PYGO1: variants seen among roughly 807,000 people sequenced by gnomAD.
The protein encoded by PYGO1 is pygopus family PHD finger 1.
In PYGO1, 6 loss-of-function variants were observed where a neutral mutation model predicts 29.5. The ratio of observed to expected loss-of-function variants is 0.20; its 90% CI spans 0.11 to 0.40. PYGO1 has a LOEUF of 0.40. PYGO1 is among the 10% of genes least tolerant of loss of function. PYGO1 has a pLI of 1.00. For synonymous variants in PYGO1, 186 were observed against 180.5 expected, an observed-to-expected ratio of 1.03 and a Z score of -0.24; for missense variants, 515 against 514.9, an observed-to-expected ratio of 1.00 and a Z score of 0.00.
intron 1 of PYGO1, among the ~76,000 whole-genome samples, chr15:55,572,464 G>A (rs2058984042): frequency 6.6e-6 from 1 of 152,156 alleles, no homozygotes; most frequent in Non-Finnish European, 1.5e-5. Context: ...GAAGAAAAGA[G>A]AGGAAAAAAC....
chr15:55,546,957 T>G lies in PYGO1; in HGVS notation c.326A>C (p.His109Pro). 6.2e-7 allele frequency: 1 copy of G among 1,614,028 alleles called. No homozygotes were observed. The highest frequency in any genetic ancestry group is 1.1e-5 in the South Asian group (1 of 91,076). The change falls in exon 3 of 3, where the codon CAC becomes CCC. Residue 109 changes from histidine to proline, a missense_variant. His to Pro is a moderately conservative substitution (Grantham distance 77). Transcript: ENST00000563719. ...GGYSTFRMPP[H>P]VPPRMSSPYC... ...TGGGGAAGACATTCTTGGGGGAACG[T>G]GAGGTGGCATTCTGAATGTACTATA... is the stretch of plus-strand genomic sequence containing the variant.
chr15:55,559,162 C>T (rs907079210), intron 1 of PYGO1, among the ~76,000 whole-genome samples: 17 of 151,886 alleles, frequency 1.1e-4, no homozygotes, highest in East Asian at 5.8e-4. Context: ...CATCGAAACG[C>T]GGGTGAAGGA....
chr15:55,541,752 T>A lies in PYGO1; in HGVS notation c.*4271A>T, dbSNP rs2058828749. The stretch of plus-strand genomic sequence containing the variant: ...TTATACATTTCACCAGAGTTTAGCA[T>A]GGTAAGGGGGCAAATGCAAAGAAAC... On this transcript the variant is annotated 3_prime_UTR_variant, in exon 3 of 3. Transcript: ENST00000563719. The A allele has an allele frequency of 6.6e-6, 1 of 152,238 alleles. No individual in the cohort carries two copies. The highest frequency in any genetic ancestry group is 2.4e-5 in the African/African-American group (1 of 41,442). 9.4% of individuals were successfully genotyped at this position (152,238 alleles called of 1,614,324 possible).
At position 55,541,931 on chromosome 15, in the gene PYGO1, G is replaced by T. The variant is rs1343494209; in HGVS notation, c.*4092C>A. The stretch of plus-strand genomic sequence containing the variant: ...GATTATGGTCTAAATGAGCCTTTAG[G>T]AGCTTCCCTATTGTGTAGAGTTCCA... On this transcript the variant is annotated 3_prime_UTR_variant, in exon 3 of 3. Transcript: ENST00000563719. 1.3e-5 allele frequency: 2 copies of T among 152,056 alleles called. No homozygotes were observed. The highest frequency in any genetic ancestry group is 2.9e-5 in the Non-Finnish European group (2 of 68,012). The allele number at this position is 152,056 out of a possible 1,614,324, so 9.4% of individuals were successfully genotyped here. A position where few individuals can be genotyped will look rare whatever the true frequency, so the allele number is the denominator to read the frequency against.
In PYGO1 at chr15:55,587,539, C is replaced by T. The variant is rs140263995; in HGVS notation, c.49+296G>A. Among the ~76,000 whole-genome samples the T allele has an allele frequency of 5.7e-3, 871 of 151,894 alleles. 9 individuals carry two copies. Among genetic ancestry groups the T allele is most frequent in the African/African-American group, 0.02 (826 of 41,382 alleles). ...TTCACCCTTTGAGGTGCCTATTGTG[C>T]TGTCTTGAGAACGAGGAGAGGTGGG... On this transcript the variant is annotated intron_variant, in intron 1 of 2. Transcript: ENST00000563719.
In PYGO1 at chr15:55,588,242, G is replaced by A. The variant is rs2059058811; in HGVS notation, c.-359C>T. Among the ~76,000 whole-genome samples, 1 of 149,242 alleles carries A rather than the reference G, an allele frequency of 6.7e-6. No individual in the cohort carries two copies. Among genetic ancestry groups the A allele is most frequent in the African/African-American group, 2.4e-5 (1 of 41,146 alleles). On this transcript the variant is annotated 5_prime_UTR_variant, in exon 1 of 3. Coordinates refer to ENST00000563719, the MANE Select transcript of PYGO1 (RefSeq NM_001367806.1). ...CTTCTTCGCCGCCGCCTCAGGAGCC[G>A]CTGACAGGGGAAGCAGGAGGCTCGC...
intron 1 of PYGO1, among the ~76,000 whole-genome samples, chr15:55,577,582 AACT>A (rs1215682804): frequency 5.4e-3 from 5 of 920 alleles, no homozygotes; most frequent in Middle Eastern, 0.5. Context: ...TGAAATCTAA[AACT>A]AGGTTTTTGT....
In PYGO1 at chr15:55,563,292, T is replaced by C. The variant is rs180716860; in HGVS notation, c.50-14297A>G. 6.3e-3 allele frequency among the ~76,000 whole-genome samples: 953 copies of C among 150,486 alleles called. 7 individuals carry two copies. The highest frequency in any genetic ancestry group is 7.5e-3 in the Non-Finnish European group (509 of 67,468). On this transcript the variant is annotated intron_variant, in intron 1 of 2. Transcript: ENST00000563719. Reference sequence around the variant, plus strand: ...AAAAACGGCCAAAGGTTTGTCTTTTTCCCCCCTCCAAATGTATCTTTTATT... The same window carrying C: ...AAAAACGGCCAAAGGTTTGTCTTTTCCCCCCCTCCAAATGTATCTTTTATT...
intron 1 of PYGO1, among the ~76,000 whole-genome samples, chr15:55,557,233 G>C (rs2058910201): frequency 6.6e-6 from 1 of 151,808 alleles, no homozygotes; most frequent in South Asian, 2.1e-4. Context: ...AAATAAACTA[G>C]AAAATCTAGA....
chr15:55,548,413 C>CA (rs112750304), intron 2 of PYGO1, among the ~76,000 whole-genome samples: 8,518 of 147,738 alleles, frequency 0.058, 281 homozygotes, highest in Non-Finnish European at 0.068. Context: ...CAGACTTAAA[C>CA]AAAAAAAAAT....
In PYGO1 at chr15:55,539,163, T is replaced by C. The variant is rs2058818876; in HGVS notation, c.*6860A>G. On this transcript the variant is annotated 3_prime_UTR_variant, in exon 3 of 3. Transcript: ENST00000563719. Reference sequence around the variant, plus strand: ...TAGAATAAAAAAACTAAAATGTAGATGACAAATTAAACTCTTCCAATTTTA... The same window carrying C: ...TAGAATAAAAAAACTAAAATGTAGACGACAAATTAAACTCTTCCAATTTTA... 6.6e-6 allele frequency: 1 copy of C among 152,190 alleles called. No homozygotes were observed. The highest frequency in any genetic ancestry group is 1.5e-5 in the Non-Finnish European group (1 of 68,004). 9.4% of individuals were successfully genotyped at this position (152,190 alleles called of 1,614,324 possible). A position where few individuals can be genotyped will look rare whatever the true frequency, so the allele number is the denominator to read the frequency against.
In PYGO1 at chr15:55,587,968, G is replaced by C. The variant is rs1186024588; in HGVS notation, c.-85C>G. ...CGGCGGCGGCTCCTCCTCCTCGCGG[G>C]GCCGCTGCGGCTGCGAGGCAAGCCT... On this transcript the variant is annotated 5_prime_UTR_variant, in exon 1 of 3. Transcript: ENST00000563719. 1.6e-5 allele frequency: 23 copies of C among 1,427,196 alleles called. No individual in the cohort carries two copies. In the East Asian group the frequency reaches 5.2e-4, roughly 32 times the overall value. 88.4% of individuals were successfully genotyped at this position (1,427,196 alleles called of 1,614,324 possible).
At chr15:55,585,706 G>C (rs577561305) in intron 1 of PYGO1, among the ~76,000 whole-genome samples, 2 of 152,096 alleles carry the variant, frequency 1.3e-5, no homozygotes, top group Admixed American at 6.6e-5. Flanking sequence ...CTGTGTTCTT[G>C]ACCCACAATA....
chr15:55,556,924 C>T (rs1359232598), intron 1 of PYGO1, among the ~76,000 whole-genome samples: 2 of 151,738 alleles, frequency 1.3e-5, no homozygotes, highest in Non-Finnish European at 2.9e-5. Flanking sequence ...TAGGCACATA[C>T]ATCCTCCCAA....
In PYGO1 at chr15:55,584,930, T is replaced by C. The variant is rs190498702; in HGVS notation, c.49+2905A>G. Among the ~76,000 whole-genome samples the C allele has an allele frequency of 3.0e-3, 463 of 152,330 alleles. 3 individuals are homozygous for C. The highest frequency in any genetic ancestry group is 5.4e-3 in the Non-Finnish European group (370 of 68,032). On this transcript the variant is annotated intron_variant, in intron 1 of 2. Transcript: ENST00000563719. ...ATTAGTGGCATTTCTCAAACTTCAG[T>C]ATGCATAAGGAGCACCTGGGGATCT...
Position 55,547,851 on chromosome 15 carries a change from G to A in PYGO1, c.136-704C>T, listed in dbSNP as rs551992699. The stretch of plus-strand genomic sequence containing the variant: ...ACAACCACAAGTTATAACAAAAAAA[G>A]GCCTCCATCATGATTGCTTCGTGAT... On this transcript the variant is annotated intron_variant, in intron 2 of 2. Transcript: ENST00000563719. Among the ~76,000 whole-genome samples, 8 of 152,216 alleles carry A rather than the reference G, an allele frequency of 5.3e-5. No individual in the cohort carries two copies. The South Asian group carries it at 1.7e-3, about 32-fold the overall frequency.
At chr15:55,555,289 G>A (rs776685907) in intron 1 of PYGO1, among the ~76,000 whole-genome samples, 2 of 151,836 alleles carry the variant, frequency 1.3e-5, no homozygotes, top group South Asian at 2.1e-4. Flanking sequence ...GAATAAGATC[G>A]TTTTCAGATA....
intron 1 of PYGO1, among the ~76,000 whole-genome samples, chr15:55,585,108 G>A (rs62021879): frequency 0.059 from 9,014 of 152,194 alleles, 323 homozygotes; most frequent in South Asian, 0.091. Flanking sequence ...TCATGTTTTA[G>A]TTTTGCCATA....
chr15:55,541,617 T>A lies in PYGO1; in HGVS notation c.*4406A>T, dbSNP rs536215015. The A allele has an allele frequency of 1.3e-5, 2 of 152,336 alleles. No individual in the cohort carries two copies. Among genetic ancestry groups the A allele is most frequent in the Non-Finnish European group, 2.9e-5 (2 of 68,016 alleles). The allele number at this position is 152,336 out of a possible 1,614,324, so 9.4% of individuals were successfully genotyped here. ...ACCTTAGTAGAAAATGCTTTTCTCTTAAAGTCTAGCCAACTACTACTGCCA... is the reference window on the plus strand; with the variant it reads ...ACCTTAGTAGAAAATGCTTTTCTCTAAAAGTCTAGCCAACTACTACTGCCA... On this transcript the variant is annotated 3_prime_UTR_variant, in exon 3 of 3. Coordinates refer to ENST00000563719, the MANE Select transcript of PYGO1 (RefSeq NM_001367806.1).
Sources: gnomAD v4.1 joint callset for allele counts (sites outside exome capture counted in the v4.1 genomes callset) on GRCh38, gnomAD v4.1.1 for gene constraint, MANE v1.5 for transcripts, NCBI Gene and HGNC (gene_info 2026-07-23, HGNC 2026-07-21) for gene names.